Variants in TBC1D19 observed in about 807,000 individuals in gnomAD.
TBC1D19 encodes the protein TBC1 domain family, member 19.
TBC1D19 carries 60 observed loss-of-function variants against 89.0 expected under a neutral mutation model. That is an observed-to-expected ratio of 0.67 (90% CI 0.55 to 0.84). TBC1D19 has a LOEUF of 0.84. TBC1D19 is among the 40% of genes least tolerant of loss of function. TBC1D19 has a pLI of 0.00. For synonymous variants in TBC1D19, 189 were observed against 199.7 expected (o/e 0.95, Z 0.45); for missense variants, 500 against 610.8 (o/e 0.82, Z 1.91).
intron 1 of TBC1D19, among the ~76,000 whole-genome samples, chr4:26,588,057 G>A (rs1245484251): frequency 9.3e-5 from 12 of 128,796 alleles, no homozygotes; most frequent in Non-Finnish European, 1.6e-4. Context: ...GTGAAATCTC[G>A]CTTTGTCGCC....
At chr4:26,742,422 C>T in intron 17 of TBC1D19, 86 bp from the exon 18 acceptor site, 1 of 1,130,898 alleles carries the variant, frequency 8.8e-7, no homozygotes, top group Non-Finnish European at 1.2e-6. Context: ...GATAGTTTCT[C>T]ATTTTCCATT....
At chr4:26,697,707 A>G (rs1488048557) in intron 13 of TBC1D19, among the ~76,000 whole-genome samples, 2 of 152,342 alleles carry the variant, frequency 1.3e-5, no homozygotes, top group Admixed American at 6.5e-5. Context: ...CTGGTTCAAC[A>G]TATGCAAATC....
At chr4:26,858,256 T>G in the TBC1D19 span, 1 of 147,744 alleles carries the variant, frequency 6.8e-6, no homozygotes, top group African/African-American at 2.5e-5. Flanking sequence ...CATGATTTGG[T>G]GAAAATGGGA....
the TBC1D19 span, among the ~76,000 whole-genome samples, chr4:26,795,597 A>T: frequency 6.6e-6 from 1 of 152,146 alleles, no homozygotes; most frequent in African/African-American, 2.4e-5. Context: ...CTCCACCATG[A>T]TGGCTCTTCT....
chr4:26,584,072 T>G, upstream of TBC1D19: 1 of 945,562 alleles, frequency 1.1e-6, no homozygotes, highest in Non-Finnish European at 1.6e-6. Context: ...TAACGCCCGC[T>G]GGAGGAGTCC....
the TBC1D19 span, among the ~76,000 whole-genome samples, chr4:26,842,340 C>CTTTTTTTTTTTT: frequency 5.4e-4 from 44 of 81,594 alleles, no homozygotes; most frequent in East Asian, 1.2e-3. Context: ...CTTTTCTTTT[C>CTTTTTTTTTTTT]TTTTTTTTTT....
chr4:26,739,986 G>GA lies in TBC1D19; in HGVS notation c.1227+18dup. ...TTCTCATCCTTCTGTAAGTTCATAA[G>GA]AAAAACTTGATCAAATTAGGTTGGA... On this transcript the variant is annotated intron_variant, in intron 17 of 20. Coordinates refer to ENST00000264866, the MANE Select transcript of TBC1D19 (RefSeq NM_018317.4). 2 of 1,497,948 alleles carry GA rather than the reference G, an allele frequency of 1.3e-6. No homozygotes were observed. Among genetic ancestry groups the GA allele is most frequent in the East Asian group, 4.8e-5 (2 of 41,484 alleles). The allele number at this position is 1,497,948 out of a possible 1,614,324, so 92.8% of individuals were successfully genotyped here. A position where few individuals can be genotyped will look rare whatever the true frequency, so the allele number is the denominator to read the frequency against.
intron 13 of TBC1D19, 117 bp from the exon 14 acceptor site, chr4:26,717,815 CT>C: frequency 1.4e-6 from 1 of 716,320 alleles, no homozygotes; most frequent in South Asian, 2.1e-5. Context: ...AAAGGGCATT[CT>C]TCCCACCGCA....
chr4:26,829,878 A>G, the TBC1D19 span, among the ~76,000 whole-genome samples: 1 of 152,130 alleles, frequency 6.6e-6, no homozygotes, highest in Admixed American at 6.5e-5. Context: ...AGCAACGTAA[A>G]CTGATATAGG....
intron 15 of TBC1D19, among the ~76,000 whole-genome samples, chr4:26,720,404 A>G (rs1211754046): frequency 1.3e-5 from 2 of 152,142 alleles, no homozygotes; most frequent in African/African-American, 2.4e-5. Flanking sequence ...CCTGTGAAGA[A>G]CACTAGCTAA....
the TBC1D19 span, among the ~76,000 whole-genome samples, chr4:26,779,710 T>C: frequency 6.6e-6 from 1 of 152,218 alleles, no homozygotes; most frequent in Non-Finnish European, 1.5e-5. Context: ...CTAAGAGATA[T>C]GGCATGATGG....
At chr4:26,669,602 T>C (rs79002365) in intron 9 of TBC1D19, among the ~76,000 whole-genome samples, 1 of 151,848 alleles carries the variant, frequency 6.6e-6, no homozygotes, top group African/African-American at 2.4e-5. Context: ...TTTCACATAA[T>C]TGAATAGTTA....
the TBC1D19 span, among the ~76,000 whole-genome samples, chr4:26,768,257 C>T: frequency 2.0e-5 from 3 of 152,154 alleles, no homozygotes; most frequent in Non-Finnish European, 4.4e-5. Flanking sequence ...AGGGTTTTGC[C>T]TCAGGAAGGA....
intron 1 of TBC1D19, among the ~76,000 whole-genome samples, chr4:26,603,318 C>A (rs1280053011): frequency 2.0e-5 from 3 of 152,140 alleles, no homozygotes; most frequent in South Asian, 4.2e-4. Flanking sequence ...TTGAAAAGAT[C>A]AGTGTATAAT....
the TBC1D19 span, among the ~76,000 whole-genome samples, chr4:26,841,459 C>T: frequency 6.6e-6 from 1 of 151,734 alleles, no homozygotes; most frequent in East Asian, 1.9e-4. Flanking sequence ...GTCCCTAGCA[C>T]ATCTTGATGC....
chr4:26,578,062 C>T (rs996495040), intron 1 of TBC1D19, among the ~76,000 whole-genome samples: 2 of 152,170 alleles, frequency 1.3e-5, no homozygotes, highest in East Asian at 1.9e-4. Context: ...TGCTAAGACA[C>T]CCACTTTGTT....
chr4:26,682,155 T>C (rs1044828159), intron 11 of TBC1D19, among the ~76,000 whole-genome samples: 2 of 151,946 alleles, frequency 1.3e-5, no homozygotes, highest in African/African-American at 4.9e-5. Flanking sequence ...TGCATTACTC[T>C]ACTTATGACA....
chr4:26,811,709 T>G, the TBC1D19 span, among the ~76,000 whole-genome samples: 1 of 152,238 alleles, frequency 6.6e-6, no homozygotes, highest in Non-Finnish European at 1.5e-5. Flanking sequence ...CTTGATGATA[T>G]GCTAAACAAG....
chr4:26,621,639 C>A lies in TBC1D19; in HGVS notation c.294+951C>A, dbSNP rs188421784. Among the ~76,000 whole-genome samples, 209 of 151,560 alleles carry A rather than the reference C, an allele frequency of 1.4e-3. 1 individual carries two copies. Among genetic ancestry groups the A allele is most frequent in the African/African-American group, 4.9e-3 (202 of 41,268 alleles). ...TTTTATTTTTATTTAAAAAAATCAT[C>A]AAAAAATTAGATGGTGAAAAGAAGC... On this transcript the variant is annotated intron_variant, in intron 4 of 20. Transcript: ENST00000264866.
Sources: allele counts gnomAD v4.1 joint callset (sites outside exome capture counted in the v4.1 genomes callset), GRCh38; gene constraint gnomAD v4.1.1; transcripts MANE v1.5; gene names NCBI Gene and HGNC (gene_info 2026-07-23, HGNC 2026-07-21).